Variants in ASAP1 observed in about 807,000 individuals in gnomAD.
ASAP1 encodes ArfGAP with SH3 domain, ankyrin repeat and PH domain 1, also known as arf-GAP with SH3 domain, ANK repeat and PH domain-containing protein 1.
Under a neutral mutation model 145.2 loss-of-function variants are expected in ASAP1, and 43 were observed. That is an observed-to-expected ratio of 0.30 (90% CI 0.23 to 0.38). The LOEUF (loss-of-function observed/expected upper bound fraction) is 0.38, where lower values mean the gene tolerates loss of function less well. Among genes scored for constraint, ASAP1 ranks in the 10% least tolerant of loss-of-function variants. ASAP1 has a pLI of 1.00. For synonymous variants in ASAP1, 546 were observed against 515.5 expected (o/e 1.06, Z -0.80); for missense variants, 1,018 against 1,355.3 (o/e 0.75, Z 3.91).
At position 130,186,676 on chromosome 8, in the gene ASAP1, T is replaced by C. The variant is rs1814752608; in HGVS notation, c.530+560A>G. Among the ~76,000 whole-genome samples, 3 of 152,058 alleles carry C rather than the reference T, an allele frequency of 2.0e-5. No individual in the cohort carries two copies. In the South Asian group the frequency reaches 6.2e-4, roughly 32 times the overall value. ...CTCTGTGGTCAAGACAGACCTGGAG[T>C]GAATGCTAGCTGGACACATAACTAG... On this transcript the variant is annotated intron_variant, in intron 7 of 29. Coordinates refer to ENST00000518721, the MANE Select transcript of ASAP1 (RefSeq NM_018482.4).
In ASAP1 at chr8:130,357,899, T is replaced by C. The variant is rs1051240239; in HGVS notation, c.186+118A>G. The C allele has an allele frequency of 2.9e-5, 40 of 1,391,066 alleles. No homozygotes were observed. In the African/African-American group the frequency reaches 5.6e-4, roughly 19 times the overall value. 86.2% of individuals were successfully genotyped at this position (1,391,066 alleles called of 1,614,324 possible). A position where few individuals can be genotyped will look rare whatever the true frequency, so the allele number is the denominator to read the frequency against. ...GTCCCTTATTCACCCGGCGGCTCCC[T>C]GAGGGGGTGTGGCGCCCCCGGCCCC... is the stretch of plus-strand genomic sequence containing the variant. On this transcript the variant is annotated intron_variant, in intron 3 of 29. Coordinates refer to ENST00000518721, the MANE Select transcript of ASAP1 (RefSeq NM_018482.4).
intron 3 of ASAP1, among the ~76,000 whole-genome samples, chr8:130,256,153 C>A (rs1330170396): frequency 1.3e-5 from 2 of 152,124 alleles, no homozygotes; most frequent in African/African-American, 4.8e-5. Context: ...ACATTATGTT[C>A]CACTAGGTAT....
intron 1 of ASAP1, among the ~76,000 whole-genome samples, chr8:130,435,679 C>T (rs1289306797): frequency 6.6e-6 from 1 of 152,134 alleles, no homozygotes; most frequent in Non-Finnish European, 1.5e-5. Flanking sequence ...ACTGAGACCC[C>T]TTTATAAAAT....
intron 24 of ASAP1, among the ~76,000 whole-genome samples, chr8:130,102,974 A>C (rs976809605): frequency 7.2e-6 from 1 of 139,314 alleles, no homozygotes; most frequent in African/African-American, 2.7e-5. Context: ...TACAGGCACG[A>C]GCCACCACAT....
At chr8:130,119,635 G>A (rs1000394606) in intron 18 of ASAP1, among the ~76,000 whole-genome samples, 1 of 152,120 alleles carries the variant, frequency 6.6e-6, no homozygotes, top group Non-Finnish European at 1.5e-5. Flanking sequence ...TCCACGTGAT[G>A]CTGTCTGACA....
intron 27 of ASAP1, among the ~76,000 whole-genome samples, chr8:130,070,850 AGAGAGAGGGAGAGAGGGAGAGAGAGG>A (rs2097442283): frequency 2.6e-4 from 1 of 3,860 alleles, no homozygotes; most frequent in African/African-American, 1.5e-3. Flanking sequence ...GGAGAGAGGG[AGAGAGAGGGAGAGAGGGAGAGAGAGG>A]GAGAGAGGGA....
At chr8:130,109,787 G>A (rs2097543739) in intron 24 of ASAP1, among the ~76,000 whole-genome samples, 1 of 152,200 alleles carries the variant, frequency 6.6e-6, no homozygotes, top group South Asian at 2.1e-4. Context: ...TGTGAGCTGA[G>A]CTAGCTATGG....
chr8:130,271,396 A>T (rs1565157645), intron 3 of ASAP1, among the ~76,000 whole-genome samples: 1 of 152,186 alleles, frequency 6.6e-6, no homozygotes, highest in East Asian at 1.9e-4. Flanking sequence ...GTTCCAAGGA[A>T]TTTGTTTTTC....
chr8:130,348,828 T>A (rs1490806711), intron 3 of ASAP1, among the ~76,000 whole-genome samples: 1 of 152,144 alleles, frequency 6.6e-6, no homozygotes, highest in African/African-American at 2.4e-5. Context: ...AAGGCATAAA[T>A]GTTTCACCTC....
At chr8:130,264,600 C>A (rs548884559) in intron 3 of ASAP1, among the ~76,000 whole-genome samples, 1 of 152,176 alleles carries the variant, frequency 6.6e-6, no homozygotes, top group Non-Finnish European at 1.5e-5. Flanking sequence ...GGAACTATAA[C>A]TGTATTCTTG....
At chr8:130,087,866 GA>G (rs1482283999) in intron 25 of ASAP1, among the ~76,000 whole-genome samples, 2 of 152,196 alleles carry the variant, frequency 1.3e-5, no homozygotes, top group Non-Finnish European at 2.9e-5. Context: ...GTGGGGAGAG[GA>G]GTACATGACA....
At chr8:130,099,423 G>A (rs904748337) in intron 24 of ASAP1, among the ~76,000 whole-genome samples, 5 of 151,948 alleles carry the variant, frequency 3.3e-5, no homozygotes, top group South Asian at 2.1e-4. Flanking sequence ...CTCGTGATCC[G>A]CCCATCGTGG....
intron 27 of ASAP1, among the ~76,000 whole-genome samples, chr8:130,069,354 G>T (rs902874452): frequency 2.0e-5 from 3 of 152,116 alleles, no homozygotes; most frequent in Admixed American, 1.3e-4. Context: ...TCCCACTTCG[G>T]CCTCCTGAGT....
intron 9 of ASAP1, among the ~76,000 whole-genome samples, chr8:130,174,985 T>C (rs1390061546): frequency 6.6e-6 from 1 of 152,220 alleles, no homozygotes; most frequent in Non-Finnish European, 1.5e-5. Context: ...TTTAAATAAT[T>C]CTATGCTTAA....
intron 23 of ASAP1, among the ~76,000 whole-genome samples, chr8:130,114,369 G>A (rs1405281412): frequency 6.6e-6 from 1 of 152,142 alleles, no homozygotes; most frequent in African/African-American, 2.4e-5. Flanking sequence ...AATTACTTGT[G>A]TATCTAAACA....
At chr8:130,365,664 G>A (rs955497102) in intron 2 of ASAP1, among the ~76,000 whole-genome samples, 2 of 152,004 alleles carry the variant, frequency 1.3e-5, no homozygotes, top group African/African-American at 4.8e-5. Context: ...CTTTTCAATG[G>A]TATCATTTTC....
chr8:130,068,624 T>C (rs895171573), intron 27 of ASAP1, among the ~76,000 whole-genome samples: 1 of 152,120 alleles, frequency 6.6e-6, no homozygotes, highest in Admixed American at 6.5e-5. Context: ...TGCATATGGG[T>C]ATATATGATC....
chr8:130,127,544 AT>A (rs773686596), intron 16 of ASAP1, among the ~76,000 whole-genome samples: 2 of 152,136 alleles, frequency 1.3e-5, no homozygotes, highest in Non-Finnish European at 2.9e-5. Flanking sequence ...ATTTTTTAGG[AT>A]AAGTAAACTA....
intron 17 of ASAP1, 149 bp from the exon 18 acceptor site, chr8:130,124,253 T>G (rs1055767693): frequency 3.1e-6 from 2 of 635,216 alleles, no homozygotes; most frequent in Non-Finnish European, 5.3e-6. Context: ...TCTACAAATA[T>G]TTACTGAGCA....
Sources: gnomAD v4.1 joint callset for allele counts (sites outside exome capture counted in the v4.1 genomes callset) on GRCh38, gnomAD v4.1.1 for gene constraint, MANE v1.5 for transcripts, NCBI Gene and HGNC (gene_info 2026-07-23, HGNC 2026-07-21) for gene names.